BMP2: variants seen among roughly 807,000 people sequenced by gnomAD.
BMP2 encodes bone morphogenetic protein 2, also known as bone morphogenetic protein 2A.
BMP2 carries 2 observed loss-of-function variants against 28.8 expected under a neutral mutation model. That is an observed-to-expected ratio of 0.07 (90% CI 0.03 to 0.22). BMP2 has a LOEUF of 0.22. Ranked by LOEUF, BMP2 falls within the 10% of genes least tolerant of loss-of-function variation. The pLI, the probability that BMP2 is intolerant of heterozygous loss-of-function variation, is 1.00. For synonymous variants in BMP2, 218 were observed against 204.3 expected (o/e 1.07, Z -0.57); for missense variants, 437 against 517.7 (o/e 0.84, Z 1.51).
intron 1 of BMP2, 34 bp from the exon 2 acceptor site, chr20:6,770,086 G>A (rs1330858353): frequency 1.3e-6 from 2 of 1,497,304 alleles, no homozygotes; most frequent in Non-Finnish European, 8.9e-7. Flanking sequence ...ACTGGGCGGG[G>A]AACTCGGGTG....
Position 6,778,117 on chromosome 20 carries a change from T to G in BMP2, c.347-128T>G. 1.5e-6 allele frequency: 2 copies of G among 1,376,322 alleles called. No individual in the cohort carries two copies. The highest frequency in any genetic ancestry group is 2.0e-6 in the Non-Finnish European group (2 of 1,024,952). 85.3% of individuals were successfully genotyped at this position (1,376,322 alleles called of 1,614,324 possible). A position where few individuals can be genotyped will look rare whatever the true frequency, so the allele number is the denominator to read the frequency against. On this transcript the variant is annotated intron_variant, in intron 2 of 2. Coordinates refer to ENST00000378827, the MANE Select transcript of BMP2 (RefSeq NM_001200.4). The surrounding 1 kb of genome is among the most constrained non-coding windows in gnomAD (Gnocchi z 5.0). ...AAATTTTTATTTTCTGGTTACCTAC[T>G]TTTACATGGGTTACATCAAATCCCA...
chr20:6,775,800 C>T (rs917487885), intron 2 of BMP2, among the ~76,000 whole-genome samples: 5 of 152,044 alleles, frequency 3.3e-5, no homozygotes, highest in African/African-American at 1.2e-4. Flanking sequence ...TGGGTGTGTA[C>T]GTGTGTGCGA....
intron 2 of BMP2, among the ~76,000 whole-genome samples, chr20:6,776,138 T>C (rs1402373154): frequency 6.6e-6 from 1 of 152,186 alleles, no homozygotes; most frequent in Non-Finnish European, 1.5e-5. Context: ...ACACAGTCCT[T>C]GGTACTCCTT....
At chr20:6,769,029 C>G (rs1013413847) in intron 1 of BMP2, among the ~76,000 whole-genome samples, 154 bp downstream of exon 1, 1 of 152,200 alleles carries the variant, frequency 6.6e-6, no homozygotes, top group Admixed American at 6.5e-5. Context: ...CTCCCACTTC[C>G]AGCTGCCCCG....
At chr20:6,772,424 A>G (rs1290249109) in intron 2 of BMP2, among the ~76,000 whole-genome samples, 1 of 152,222 alleles carries the variant, frequency 6.6e-6, no homozygotes, top group African/African-American at 2.4e-5. Flanking sequence ...TTCTTGTCTC[A>G]TTATGACTAA....
At chr20:6,774,839 T>A (rs1458117109) in intron 2 of BMP2, among the ~76,000 whole-genome samples, 1 of 152,156 alleles carries the variant, frequency 6.6e-6, no homozygotes, top group East Asian at 1.9e-4. Context: ...GAGGCCAGAG[T>A]GGACCTAGGC....
Position 6,779,148 on chromosome 20 carries a change from A to G in BMP2, c.*59A>G. The G allele has an allele frequency of 1.1e-6, 1 of 886,358 alleles. No homozygotes were observed. The highest frequency in any genetic ancestry group is 1.4e-6 in the Non-Finnish European group (1 of 693,428). The allele number at this position is 886,358 out of a possible 1,614,324, so 54.9% of individuals were successfully genotyped here. On this transcript the variant is annotated 3_prime_UTR_variant, in exon 3 of 3. Coordinates refer to ENST00000378827, the MANE Select transcript of BMP2 (RefSeq NM_001200.4). ...TATATATATTTTAGAAAAAAGAAAA[A>G]AACAAACAAACAAAAAAACCCCACC...
In BMP2 at chr20:6,779,008, G is replaced by A. The variant is rs371434289; in HGVS notation, c.1110G>A (p.Ser370=). 169 of 1,613,736 alleles carry A rather than the reference G, an allele frequency of 1.0e-4. No individual in the cohort carries two copies. Among genetic ancestry groups the A allele is most frequent in the Non-Finnish European group, 1.0e-4 (118 of 1,179,902 alleles). Residue 370 remains serine, a synonymous_variant, in exon 3 of 3, where the codon TCG becomes TCA. Coordinates refer to ENST00000378827, the MANE Select transcript of BMP2 (RefSeq NM_001200.4). ...CCVPTELSAI[S]MLYLDENEKV... is the part of the protein sequence containing the mutation. Reference sequence around the variant, plus strand: ...TCCCGACAGAACTCAGTGCTATCTCGATGCTGTACCTTGACGAGAATGAAA... The same window carrying A: ...TCCCGACAGAACTCAGTGCTATCTCAATGCTGTACCTTGACGAGAATGAAA...
Position 6,770,183 on chromosome 20 carries a change from C to T in BMP2, c.57C>T (p.Gly19=). 2.5e-6 allele frequency: 4 copies of T among 1,584,724 alleles called. No homozygotes were observed. Among genetic ancestry groups the T allele is most frequent in the Non-Finnish European group, 3.4e-6 (4 of 1,165,842 alleles). ...LALLLPQVLL[G]GAAGLVPELG... ...TGCTGCTTCCCCAGGTCCTCCTGGG[C>T]GGCGCGGCTGGCCTCGTTCCGGAGC... Residue 19 remains glycine, a synonymous_variant, in exon 2 of 3, where the codon GGC becomes GGT. Coordinates refer to ENST00000378827, the MANE Select transcript of BMP2 (RefSeq NM_001200.4).
intron 1 of BMP2, among the ~76,000 whole-genome samples, chr20:6,769,452 T>C (rs1272991496): frequency 6.6e-6 from 1 of 152,140 alleles, no homozygotes; most frequent in Non-Finnish European, 1.5e-5. Flanking sequence ...ATTCACCATT[T>C]ACGTAATCCC....
In BMP2 at chr20:6,770,230, C is replaced by T. The variant is rs755231068; in HGVS notation, c.104C>T (p.Ala35Val). 2 of 1,602,054 alleles carry T rather than the reference C, an allele frequency of 1.2e-6. No homozygotes were observed. The highest frequency in any genetic ancestry group is 1.1e-5 in the South Asian group (1 of 89,482). The change falls in exon 2 of 3, where the codon GCG becomes GTG. Residue 35 changes from alanine (A) to valine (V), a missense_variant. This residue lies in a region of BMP2 where 363 missense variants were observed against 392.8 expected (regional missense o/e 0.92). Coordinates refer to ENST00000378827, the MANE Select transcript of BMP2 (RefSeq NM_001200.4). ...VPELGRRKFAAASSGRPSSQP... is the reference protein window; with the variant it reads ...VPELGRRKFAVASSGRPSSQP... Reference sequence around the variant, plus strand: ...GAGCTGGGCCGCAGGAAGTTCGCGGCGGCGTCGTCGGGCCGCCCCTCATCC... The same window carrying T: ...GAGCTGGGCCGCAGGAAGTTCGCGGTGGCGTCGTCGGGCCGCCCCTCATCC...
In BMP2 at chr20:6,768,051, G is replaced by A. The variant is rs989953179; in HGVS notation, c.-832G>A. 4.8e-5 allele frequency: 19 copies of A among 398,076 alleles called. No homozygotes were observed. The highest frequency in any genetic ancestry group is 8.0e-5 in the Non-Finnish European group (18 of 225,882). 24.7% of individuals were successfully genotyped at this position (398,076 alleles called of 1,614,324 possible). The stretch of plus-strand genomic sequence containing the variant: ...TGCGGAGCACCTACTGCAGGAGATC[G>A]GGGGCCTGGGACGCGCTGGCCGAGG... On this transcript the variant is annotated 5_prime_UTR_variant, in exon 1 of 3. Coordinates refer to ENST00000378827, the MANE Select transcript of BMP2 (RefSeq NM_001200.4).
rs1418721896 is a variant in BMP2, at chr20:6,768,255, G to T, written c.-628G>T. 3.0e-5 allele frequency: 12 copies of T among 398,084 alleles called. No homozygotes were observed. The highest frequency in any genetic ancestry group is 4.4e-5 in the Non-Finnish European group (10 of 225,824). The allele number at this position is 398,084 out of a possible 1,614,324, so 24.7% of individuals were successfully genotyped here. Reference sequence around the variant, plus strand: ...TTTCAACTGGCGAGCGCGAATGGGGGTGCACTGGAGTAAGGCAGAGTGATG... The same window carrying T: ...TTTCAACTGGCGAGCGCGAATGGGGTTGCACTGGAGTAAGGCAGAGTGATG... On this transcript the variant is annotated 5_prime_UTR_variant, in exon 1 of 3. Coordinates refer to ENST00000378827, the MANE Select transcript of BMP2 (RefSeq NM_001200.4).
At chr20:6,773,567 A>C (rs1449316796) in intron 2 of BMP2, among the ~76,000 whole-genome samples, 1 of 152,106 alleles carries the variant, frequency 6.6e-6, no homozygotes, top group Non-Finnish European at 1.5e-5. Flanking sequence ...GTGTATTTTC[A>C]CTGAGACAAT....
At chr20:6,775,869 G>T (rs1470426043) in intron 2 of BMP2, among the ~76,000 whole-genome samples, 2 of 152,106 alleles carry the variant, frequency 1.3e-5, no homozygotes, top group Non-Finnish European at 2.9e-5. Context: ...GGTTTTTCTT[G>T]CAATTGTGAT....
chr20:6,775,501 G>A (rs1005464), intron 2 of BMP2, among the ~76,000 whole-genome samples: 29,959 of 151,904 alleles, frequency 0.2, 3,264 homozygotes, highest in East Asian at 0.36. Flanking sequence ...TCTTCGTATC[G>A]CCTATTATTA....
chr20:6,769,768 C>G (rs1986350852), intron 1 of BMP2, among the ~76,000 whole-genome samples: 1 of 152,034 alleles, frequency 6.6e-6, no homozygotes, highest in African/African-American at 2.4e-5. Flanking sequence ...GGTGTCAGAT[C>G]AAGCGGTGGT....
rs377749107 is a variant in BMP2, at chr20:6,778,532, G to A, written c.634G>A (p.Ala212Thr). The A allele has an allele frequency of 5.6e-6, 9 of 1,614,030 alleles. No homozygotes were observed. The highest frequency in any genetic ancestry group is 2.2e-5 in the South Asian group (2 of 91,082). Residue 212 changes from alanine to threonine, a missense_variant, in exon 3 of 3, where the codon GCT (alanine) becomes ACT (threonine). Transcript: ENST00000378827. This position sits in a 1 kb window ranked among gnomAD's most constrained non-coding sequence, Gnocchi z 5.0. ...GTGGGAAAGTTTTGATGTCACCCCC[G>A]CTGTGATGCGGTGGACTGCACAGGG... ...SRWESFDVTP[A>T]VMRWTAQGHA...
rs1196752523 is a variant in BMP2 at position 6,780,228 on chromosome 20, A to G, written c.*1139A>G. On this transcript the variant is annotated 3_prime_UTR_variant, in exon 3 of 3. Coordinates refer to ENST00000378827, the MANE Select transcript of BMP2 (RefSeq NM_001200.4). ...AAATGTTAAACCTATTTCAGATAAT[A>G]AATATCAAATCTCTGGCATTTCATT... The G allele has an allele frequency of 1.3e-5, 2 of 152,646 alleles. No homozygotes were observed. The highest frequency in any genetic ancestry group is 2.9e-5 in the Non-Finnish European group (2 of 68,052). 9.5% of individuals were successfully genotyped at this position (152,646 alleles called of 1,614,324 possible).
Sources: allele counts gnomAD v4.1 joint callset (sites outside exome capture counted in the v4.1 genomes callset), GRCh38; gene constraint gnomAD v4.1.1; regional missense constraint gnomAD v4.1.1; non-coding constraint Gnocchi (gnomAD v3.1); transcripts MANE v1.5; gene names NCBI Gene and HGNC (gene_info 2026-07-23, HGNC 2026-07-21).